Variants in SAMD5 observed in about 807,000 individuals in gnomAD.
SAMD5 encodes sterile alpha motif domain containing 5.
SAMD5 carries 13 observed loss-of-function variants against 11.3 expected under a neutral mutation model. That is an observed-to-expected ratio of 1.15 (90% CI 0.75 to 1.83). The LOEUF (loss-of-function observed/expected upper bound fraction) is 1.83, where lower values mean the gene tolerates loss of function less well. Ranked by LOEUF, SAMD5 falls within the 40% of genes most tolerant of loss-of-function variation. SAMD5 has a pLI of 0.00. For missense variants in SAMD5, 255 were observed against 239.1 expected (o/e 1.07, Z -0.44); for synonymous variants, 129 against 111.3 (o/e 1.16, Z -1.00).
chr6:147,774,050 C>A, the SAMD5 span, among the ~76,000 whole-genome samples: 1 of 152,122 alleles, frequency 6.6e-6, no homozygotes, highest in Non-Finnish European at 1.5e-5. Context: ...CCATGTGGCC[C>A]AGACTGACCT....
At chr6:147,816,301 A>AAAAAAAAAATATATATATATATAT in the SAMD5 span, among the ~76,000 whole-genome samples, 1 of 66,356 alleles carries the variant, frequency 1.5e-5, no homozygotes, top group Non-Finnish European at 2.4e-5. Flanking sequence ...AAAAAAAAAA[A>AAAAAAAAAATATATATATATATAT]ATATATATAT....
the SAMD5 span, among the ~76,000 whole-genome samples, chr6:147,814,966 A>G: frequency 1.3e-5 from 2 of 152,308 alleles, no homozygotes; most frequent in East Asian, 3.9e-4. Flanking sequence ...AAGGACAGGT[A>G]CCAGATCTAA....
intron 1 of SAMD5, among the ~76,000 whole-genome samples, chr6:147,710,173 G>T (rs974608701): frequency 7.9e-5 from 12 of 152,096 alleles, no homozygotes; most frequent in Admixed American, 7.2e-4. Flanking sequence ...TCTTGATCTA[G>T]CCACCTACTG....
chr6:147,869,693 A>AATT, the SAMD5 span, among the ~76,000 whole-genome samples: 5 of 151,752 alleles, frequency 3.3e-5, no homozygotes, highest in East Asian at 1.9e-4. Context: ...TAATCAATAT[A>AATT]ATTATTATTA....
chr6:147,601,126 T>A (rs954098082), intron 1 of SAMD5, among the ~76,000 whole-genome samples: 3 of 152,214 alleles, frequency 2.0e-5, no homozygotes, highest in Non-Finnish European at 4.4e-5. Context: ...CCCAGACAGA[T>A]GCGACCAAGT....
the SAMD5 span, among the ~76,000 whole-genome samples, chr6:147,947,042 C>T: frequency 5.3e-5 from 8 of 151,296 alleles, no homozygotes; most frequent in East Asian, 1.9e-4. Flanking sequence ...GTTGAGGTCT[C>T]GTTTACGGGG....
intron 1 of SAMD5, among the ~76,000 whole-genome samples, chr6:147,715,600 G>T (rs1791454967): frequency 6.6e-6 from 1 of 152,180 alleles, no homozygotes; most frequent in South Asian, 2.1e-4. Flanking sequence ...GCGAGCAAGG[G>T]GCATGTTTCA....
At chr6:147,880,862 A>G in the SAMD5 span, among the ~76,000 whole-genome samples, 2 of 152,162 alleles carry the variant, frequency 1.3e-5, no homozygotes, top group African/African-American at 4.8e-5. Context: ...ATTGTACTAG[A>G]TCCTGAAAAA....
At chr6:147,573,024 GA>G (rs1478176503), downstream of SAMD5, among the ~76,000 whole-genome samples, 1 of 152,216 alleles carries the variant, frequency 6.6e-6, no homozygotes, top group Admixed American at 6.5e-5. Flanking sequence ...AAGCTGCTGA[GA>G]ATTACAATTG....
chr6:147,639,169 A>G (rs920526579), intron 1 of SAMD5, among the ~76,000 whole-genome samples: 1 of 152,236 alleles, frequency 6.6e-6, no homozygotes, highest in Non-Finnish European at 1.5e-5. Flanking sequence ...CTTGGAATCC[A>G]TGACAGGAAG....
At chr6:147,518,882 C>T (rs993579701) in intron 1 of SAMD5, among the ~76,000 whole-genome samples, 3 of 152,100 alleles carry the variant, frequency 2.0e-5, no homozygotes, top group African/African-American at 4.8e-5. Context: ...TGAGGGAGTC[C>T]CCATTTTCAG....
At chr6:147,700,324 G>T (rs1248588660) in intron 1 of SAMD5, among the ~76,000 whole-genome samples, 2 of 152,130 alleles carry the variant, frequency 1.3e-5, no homozygotes, top group African/African-American at 4.8e-5. Context: ...GAAAACTGAG[G>T]CTTTGTGTTA....
the SAMD5 span, among the ~76,000 whole-genome samples, chr6:147,871,158 C>G: frequency 2.0e-5 from 3 of 152,082 alleles, no homozygotes; most frequent in Non-Finnish European, 4.4e-5. Flanking sequence ...TAATACAAAC[C>G]AAATCTAAAC....
intron 1 of SAMD5, among the ~76,000 whole-genome samples, chr6:147,725,600 G>C (rs1267199870): frequency 6.6e-6 from 1 of 152,176 alleles, no homozygotes; most frequent in Non-Finnish European, 1.5e-5. Context: ...TGTTGGCCAG[G>C]CTGGTCTCGA....
the SAMD5 span, among the ~76,000 whole-genome samples, chr6:147,821,975 A>G: frequency 6.6e-6 from 1 of 152,160 alleles, no homozygotes; most frequent in Non-Finnish European, 1.5e-5. Flanking sequence ...TTTTAAAGTT[A>G]AAAAAGAAAA....
intron 1 of SAMD5, among the ~76,000 whole-genome samples, chr6:147,694,815 TA>T (rs1373506962): frequency 6.6e-6 from 1 of 152,156 alleles, no homozygotes; most frequent in African/African-American, 2.4e-5. Flanking sequence ...AACACTGTTA[TA>T]AAAAATCACA....
chr6:147,949,701 C>G, the SAMD5 span, among the ~76,000 whole-genome samples: 17 of 152,262 alleles, frequency 1.1e-4, no homozygotes, highest in African/African-American at 4.1e-4. Context: ...GATTTCCACT[C>G]CTGGGTAAAA....
intron 1 of SAMD5, among the ~76,000 whole-genome samples, chr6:147,635,441 C>T (rs1158812450): frequency 6.6e-6 from 1 of 152,176 alleles, no homozygotes; most frequent in Non-Finnish European, 1.5e-5. Flanking sequence ...ATTCAAACTG[C>T]ATTTGATTGA....
At chr6:147,936,704 A>T in the SAMD5 span, among the ~76,000 whole-genome samples, 1 of 152,182 alleles carries the variant, frequency 6.6e-6, no homozygotes, top group Non-Finnish European at 1.5e-5. Context: ...TTTCTAACAG[A>T]ATCACAAGCA....
Sources: gnomAD v4.1 joint callset for allele counts (sites outside exome capture counted in the v4.1 genomes callset) on GRCh38, gnomAD v4.1.1 for gene constraint, MANE v1.5 for transcripts, NCBI Gene and HGNC (gene_info 2026-07-23, HGNC 2026-07-21) for gene names.